TRAF4: variants seen among roughly 807,000 people sequenced by gnomAD.
The protein encoded by TRAF4 is TNF receptor associated factor 4, also known as TNF receptor-associated factor 4.
TRAF4 carries 9 observed loss-of-function variants against 47.3 expected under a neutral mutation model. That is an observed-to-expected ratio of 0.19 (90% CI 0.11 to 0.33). The LOEUF is 0.33. TRAF4 is among the 10% of genes least tolerant of loss of function. The pLI, the probability that TRAF4 is intolerant of heterozygous loss-of-function variation, is 1.00. For synonymous variants in TRAF4, 236 were observed against 236.9 expected (o/e 1.00, Z 0.04); for missense variants, 448 against 620.3 (o/e 0.72, Z 2.95).
rs1021345022 is a variant in TRAF4, at chr17:28,747,645, T to C, written c.196-198T>C. ...GGCTGCCTCTTCAAAGGAAGCGTCC[T>C]GTGCAGGCATGTTAGGACCCAGCAT... On this transcript the variant is annotated intron_variant, in intron 2 of 6. Transcript: ENST00000262395. 8.3e-6 allele frequency: 5 copies of C among 605,516 alleles called. No homozygotes were observed. The African/African-American group carries it at 9.3e-5, about 11-fold the overall frequency. 37.5% of individuals were successfully genotyped at this position (605,516 alleles called of 1,614,324 possible). A position where few individuals can be genotyped will look rare whatever the true frequency, so the allele number is the denominator to read the frequency against.
At chr17:28,747,427 C>T (rs776976879) in intron 2 of TRAF4, 163 bp downstream of exon 2, 32 of 828,386 alleles carry the variant, frequency 3.9e-5, no homozygotes, top group Non-Finnish European at 5.1e-5. Context: ...AGTTTGCAAA[C>T]GAGGCCCCTG....
At chr17:28,744,800 A>C in intron 1 of TRAF4, 1 of 154,332 alleles carries the variant, frequency 6.5e-6, no homozygotes, top group Non-Finnish European at 1.4e-5. Context: ...TTATGATCAC[A>C]CAATGGAGGA....
intron 1 of TRAF4, 104 bp downstream of exon 1, chr17:28,744,359 G>A: frequency 7.5e-7 from 1 of 1,339,926 alleles, no homozygotes; most frequent in Non-Finnish European, 1.0e-6. Context: ...TCTGCGCTGC[G>A]ACCCTGTGAC....
At chr17:28,747,352 G>A (rs1395888468) in intron 2 of TRAF4, 88 bp downstream of exon 2, 5 of 1,500,968 alleles carry the variant, frequency 3.3e-6, no homozygotes, top group Admixed American at 2.0e-5. Context: ...CTCAGGGCCA[G>A]TGTCAACCAA....
At chr17:28,744,467 G>A (rs1348640833) in intron 1 of TRAF4, among the ~76,000 whole-genome samples, 2 of 152,044 alleles carry the variant, frequency 1.3e-5, no homozygotes, top group Admixed American at 1.3e-4. Flanking sequence ...GGTCCCAACT[G>A]CCCGGCCCGG....
Position 28,750,228 on chromosome 17 carries a change from C to T in TRAF4, c.*651C>T, listed in dbSNP as rs536662353. 4 of 319,652 alleles carry T rather than the reference C, an allele frequency of 1.3e-5. No individual in the cohort carries two copies. Among genetic ancestry groups the T allele is most frequent in the East Asian group, 1.2e-4 (2 of 16,772 alleles). 19.8% of individuals were successfully genotyped at this position (319,652 alleles called of 1,614,324 possible). A position where few individuals can be genotyped will look rare whatever the true frequency, so the allele number is the denominator to read the frequency against. On this transcript the variant is annotated 3_prime_UTR_variant, in exon 7 of 7. Coordinates refer to ENST00000262395, the MANE Select transcript of TRAF4 (RefSeq NM_004295.4). The stretch of plus-strand genomic sequence containing the variant: ...ACCTGCTGGCTCGCCCTCTGATGGA[C>T]GCCGGGAAAACTGCATCGGGCTTTG...
chr17:28,748,838 G>A (rs573343092), intron 6 of TRAF4, 107 bp from the exon 7 acceptor site: 53 of 1,482,138 alleles, frequency 3.6e-5, no homozygotes, highest in Admixed American at 6.8e-5. Flanking sequence ...TCTTCCTCAC[G>A]TAGAGCTGGG....
intron 1 of TRAF4, chr17:28,744,944 C>T (rs1259791670): frequency 6.6e-6 from 1 of 152,358 alleles, no homozygotes; most frequent in Non-Finnish European, 1.5e-5. Context: ...TCCCGCTGCC[C>T]TCTCAGGACG....
intron 6 of TRAF4, 136 bp downstream of exon 6, chr17:28,748,802 C>A: frequency 1.3e-6 from 2 of 1,484,362 alleles, no homozygotes; most frequent in Non-Finnish European, 1.8e-6. Flanking sequence ...CTGCTGCCAG[C>A]TCCAGCCTCT....
chr17:28,745,320 T>C lies in TRAF4; in HGVS notation c.143+1065T>C, dbSNP rs552634250. 1.7e-3 allele frequency: 267 copies of C among 152,768 alleles called. 1 individual carries two copies. The highest frequency in any genetic ancestry group is 3.2e-3 in the Non-Finnish European group (217 of 68,408). The allele number at this position is 152,768 out of a possible 1,614,324, so 9.5% of individuals were successfully genotyped here. A position where few individuals can be genotyped will look rare whatever the true frequency, so the allele number is the denominator to read the frequency against. On this transcript the variant is annotated intron_variant, in intron 1 of 6. Transcript: ENST00000262395. The stretch of plus-strand genomic sequence containing the variant: ...GCCTGGGCCGGCTCCTGCCCTCACA[T>C]ATGCTCCGGCACAAGCTGCAGGACT...
chr17:28,749,879 C>T lies in TRAF4; in HGVS notation c.*302C>T, dbSNP rs1445233748. ...GTCACACTCTACACGGACTGAGGTG[C>T]CTGCTCAGGTGCTATGTCCCAAGAG... is the stretch of plus-strand genomic sequence containing the variant. On this transcript the variant is annotated 3_prime_UTR_variant, in exon 7 of 7. Coordinates refer to ENST00000262395, the MANE Select transcript of TRAF4 (RefSeq NM_004295.4). 1.4e-6 allele frequency: 1 copy of T among 702,572 alleles called. No individual in the cohort carries two copies. Among genetic ancestry groups the T allele is most frequent in the Admixed American group, 2.0e-5 (1 of 50,000 alleles). The allele number at this position is 702,572 out of a possible 1,614,324, so 43.5% of individuals were successfully genotyped here.
chr17:28,748,343 C>A lies in TRAF4; in HGVS notation c.544C>A (p.Gln182Lys). 1 of 1,613,500 alleles carries A rather than the reference C, an allele frequency of 6.2e-7. No homozygotes were observed. ...GARMMRRLLA[Q>K]HATSECPKRT... ...CCGCATGATGCGGCGGCTGCTGGCC[C>A]AGCATGCCACCTCTGAGTGCCCCAA... Residue 182 changes from glutamine to lysine, a missense_variant, in exon 5 of 7, where the codon CAG becomes AAG. Gln to Lys is a moderately conservative substitution (Grantham distance 53). Transcript: ENST00000262395.
Position 28,748,537 on chromosome 17 carries a change from G to A in TRAF4, c.651G>A (p.Leu217=). The A allele has an allele frequency of 6.2e-7, 1 of 1,613,528 alleles. No homozygotes were observed. The highest frequency in any genetic ancestry group is 2.2e-5 in the East Asian group (1 of 44,892). Residue 217 remains leucine, a synonymous_variant, in exon 6 of 7, where the codon CTG becomes CTA. Transcript: ENST00000262395. ...IQSHQYQCPR[L]PVACPNQCGV... ...GCCACCAGTACCAGTGCCCAAGGCT[G>A]CCTGTTGCCTGCCCCAACCAATGTG...
chr17:28,749,706 TC>T lies in TRAF4; in HGVS notation c.*134del. 1.4e-6 allele frequency: 2 copies of T among 1,454,994 alleles called. No individual in the cohort carries two copies. Among genetic ancestry groups the T allele is most frequent in the East Asian group, 2.5e-5 (1 of 40,294 alleles). The allele number at this position is 1,454,994 out of a possible 1,614,324, so 90.1% of individuals were successfully genotyped here. The stretch of plus-strand genomic sequence containing the variant: ...CTAGGTTCTGTTACCCCATCCTCCC[TC>T]CCCCAGCCACCACCCTCAGGTGCCT... On this transcript the variant is annotated 3_prime_UTR_variant, in exon 7 of 7. Coordinates refer to ENST00000262395, the MANE Select transcript of TRAF4 (RefSeq NM_004295.4).
At chr17:28,748,738 A>C (rs2034555491) in intron 6 of TRAF4, 72 bp downstream of exon 6, 1 of 1,574,146 alleles carries the variant, frequency 6.4e-7, no homozygotes, top group African/African-American at 1.3e-5. Context: ...CTTCTGATGT[A>C]CTTAGGCCTT....
In TRAF4 at chr17:28,748,683, C is replaced by T. The variant is rs1187940107; in HGVS notation, c.780+17C>T. On this transcript the variant is annotated intron_variant, in intron 6 of 6. Transcript: ENST00000262395. ...AAGCACAGGGTGAGATGCCCCTTTT[C>T]CTGTCAGCCCCCTTTTGCCCTTGAA... 1 of 1,605,492 alleles carries T rather than the reference C, an allele frequency of 6.2e-7. No homozygotes were observed. Among genetic ancestry groups the T allele is most frequent in the Non-Finnish European group, 8.5e-7 (1 of 1,179,462 alleles).
chr17:28,749,701 C>T lies in TRAF4; in HGVS notation c.*124C>T, dbSNP rs1252531132. Reference sequence around the variant, plus strand: ...GCTGCCTAGGTTCTGTTACCCCATCCTCCCTCCCCCAGCCACCACCCTCAG... The same window carrying T: ...GCTGCCTAGGTTCTGTTACCCCATCTTCCCTCCCCCAGCCACCACCCTCAG... On this transcript the variant is annotated 3_prime_UTR_variant, in exon 7 of 7. Coordinates refer to ENST00000262395, the MANE Select transcript of TRAF4 (RefSeq NM_004295.4). 6 of 1,482,048 alleles carry T rather than the reference C, an allele frequency of 4.0e-6. No individual in the cohort carries two copies. The African/African-American group carries it at 7.0e-5, about 17-fold the overall frequency. 91.8% of individuals were successfully genotyped at this position (1,482,048 alleles called of 1,614,324 possible).
chr17:28,748,982 G>C lies in TRAF4; in HGVS notation c.818G>C (p.Ser273Thr). The C allele has an allele frequency of 1.9e-6, 3 of 1,613,372 alleles. No individual in the cohort carries two copies. Among genetic ancestry groups the C allele is most frequent in the Non-Finnish European group, 2.5e-6 (3 of 1,179,962 alleles). Residue 273 changes from serine to threonine, a missense_variant, in exon 7 of 7, where the codon AGT becomes ACT. Coordinates refer to ENST00000262395, the MANE Select transcript of TRAF4 (RefSeq NM_004295.4). ...KLAMARHVEESVKPHLAMMCA... is the reference protein window; with the variant it reads ...KLAMARHVEETVKPHLAMMCA... ...GCAATGGCACGGCATGTGGAGGAGA[G>C]TGTGAAGCCACATCTGGCCATGATG...
chr17:28,748,077 C>G lies in TRAF4; in HGVS notation c.361C>G (p.Leu121Val). The G allele has an allele frequency of 6.2e-7, 1 of 1,614,074 alleles. No homozygotes were observed. The highest frequency in any genetic ancestry group is 8.5e-7 in the Non-Finnish European group (1 of 1,180,038). The change falls in exon 4 of 7, where the codon CTG (leucine) becomes GTG (valine). Residue 121 changes from leucine (L) to valine (V), a missense_variant. Leu to Val is a conservative substitution (Grantham distance 32). Transcript: ENST00000262395. ...IPCPNRCPMK[L>V]SRRDLPAHLQ... ...CTGCCCTAATCGCTGCCCCATGAAGCTGAGCCGCCGTGATCTACCTGCACA... is the reference window on the plus strand; with the variant it reads ...CTGCCCTAATCGCTGCCCCATGAAGGTGAGCCGCCGTGATCTACCTGCACA...
Sources: allele counts gnomAD v4.1 joint callset (sites outside exome capture counted in the v4.1 genomes callset), GRCh38; gene constraint gnomAD v4.1.1; transcripts MANE v1.5; gene names NCBI Gene and HGNC (gene_info 2026-07-23, HGNC 2026-07-21).